The following MRTFA variants were observed in gnomAD, a reference collection of about 807,000 sequenced individuals.
MRTFA encodes the protein myocardin-related transcription factor A.
In MRTFA, 20 loss-of-function variants were observed where a neutral mutation model predicts 83.5. The observed-to-expected ratio is 0.24, with a 90% CI of 0.17 to 0.35. The LOEUF is 0.35. Among genes scored for constraint, MRTFA ranks in the 10% least tolerant of loss-of-function variants. MRTFA has a pLI of 1.00. For missense variants in MRTFA, 1,200 were observed against 1,224.7 expected (o/e 0.98, Z 0.30); for synonymous variants, 659 against 541.2 (o/e 1.22, Z -3.02).
chr22:40,559,131 G>A (rs887512455), intron 2 of MRTFA, among the ~76,000 whole-genome samples: 2 of 152,192 alleles, frequency 1.3e-5, no homozygotes, highest in African/African-American at 2.4e-5. Flanking sequence ...GCTCACACCT[G>A]TAATCCCCAG....
chr22:40,512,406 C>T (rs1358571270), intron 3 of MRTFA, among the ~76,000 whole-genome samples: 2 of 152,152 alleles, frequency 1.3e-5, no homozygotes, highest in Non-Finnish European at 2.9e-5. Flanking sequence ...CATTAAATTC[C>T]TTATAGACAA....
chr22:40,423,772 C>T (rs1022828578), intron 8 of MRTFA, 87 bp from the exon 9 acceptor site: 18 of 1,254,052 alleles, frequency 1.4e-5, no homozygotes, highest in African/African-American at 7.7e-5. Flanking sequence ...GGTCCTCAGA[C>T]GCCACCATTG....
intron 9 of MRTFA, among the ~76,000 whole-genome samples, chr22:40,422,458 C>A (rs2052861180): frequency 6.6e-6 from 1 of 152,194 alleles, no homozygotes; most frequent in African/African-American, 2.4e-5. Flanking sequence ...GGGACACCTG[C>A]TGACAGTGAG....
At chr22:40,502,116 C>T (rs1160445652) in intron 3 of MRTFA, among the ~76,000 whole-genome samples, 9 of 138,304 alleles carry the variant, frequency 6.5e-5, no homozygotes, top group Admixed American at 1.4e-4. Flanking sequence ...CGGGCAGAGG[C>T]GCCCCTCACC....
rs1555998670 is a variant in MRTFA at position 40,535,355 on chromosome 22, T to TTC, written c.241+16750_241+16751insGA. ...CTGTGTGAGAGGTTTTTTCTTTTTTTTTTTTTTTTTCTTTTTGAGACTAGG... is the reference window on the plus strand; with the variant it reads ...CTGTGTGAGAGGTTTTTTCTTTTTTTTCTTTTTTTTTTCTTTTTGAGACTAGG... On this transcript the variant is annotated intron_variant, in intron 3 of 14. Coordinates refer to ENST00000355630, the MANE Select transcript of MRTFA (RefSeq NM_020831.6). 4.3e-5 allele frequency among the ~76,000 whole-genome samples: 6 copies of TTC among 138,312 alleles called. 1 individual carries two copies. Among genetic ancestry groups the TTC allele is most frequent in the African/African-American group, 1.1e-4 (4 of 35,948 alleles). 90.7% of individuals were successfully genotyped at this position (138,312 alleles called of 152,430 possible).
intron 4 of MRTFA, among the ~76,000 whole-genome samples, chr22:40,459,782 TACACACACACAC>T (rs745698441): frequency 7.0e-4 from 62 of 88,932 alleles, no homozygotes; most frequent in African/African-American, 8.4e-4. Context: ...TGATAAAATA[TACACACACACAC>T]ACACACACAC....
intron 1 of MRTFA, among the ~76,000 whole-genome samples, chr22:40,614,206 A>AAAAT (rs906050487): frequency 1.0e-3 from 151 of 151,460 alleles, no homozygotes; most frequent in South Asian, 7.9e-3. Flanking sequence ...CTGTCTCAAA[A>AAAAT]AAATAAATAA....
intron 5 of MRTFA, among the ~76,000 whole-genome samples, chr22:40,434,004 G>A (rs2053119717): frequency 6.6e-6 from 1 of 152,222 alleles, no homozygotes; most frequent in Non-Finnish European, 1.5e-5. Flanking sequence ...GGCTGGACAA[G>A]TGAGTTAACT....
chr22:40,527,018 C>T (rs897803612), intron 3 of MRTFA, among the ~76,000 whole-genome samples: 16 of 151,722 alleles, frequency 1.1e-4, no homozygotes, highest in African/African-American at 3.2e-4. Flanking sequence ...TCCAGCTACT[C>T]GGGAGGCTGA....
chr22:40,417,670 A>C, intron 12 of MRTFA, 177 bp from the exon 13 acceptor site: 124 of 554,464 alleles, frequency 2.2e-4, no homozygotes, highest in East Asian at 5.8e-4. Context: ...GGAATACAGG[A>C]TGGGGGGCCC....
chr22:40,420,463 T>C lies in MRTFA; in HGVS notation c.1295A>G (p.Asn432Ser). The C allele has an allele frequency of 6.2e-7, 1 of 1,613,782 alleles. No individual in the cohort carries two copies. Among genetic ancestry groups the C allele is most frequent in the Admixed American group, 1.7e-5 (1 of 60,034 alleles). ...CGGCTTGCCAGTCAGTGAGGTGCTG[T>C]TCTGACGTGCCAGCCCACAGGGCCC... Residue 432 changes from asparagine (N) to serine (S), a missense_variant, in exon 11 of 15, where the codon AAC (asparagine) becomes AGC (serine). Physicochemically the swap from Asn to Ser is conservative, Grantham distance 46 (BLOSUM62 1). This residue lies in a region of MRTFA where 1,107 missense variants were observed against 1,041.8 expected (regional missense o/e 1.06). Coordinates refer to ENST00000355630, the MANE Select transcript of MRTFA (RefSeq NM_020831.6).
intron 10 of MRTFA, 123 bp from the exon 11 acceptor site, chr22:40,420,699 T>A (rs1569253989): frequency 5.1e-5 from 78 of 1,533,518 alleles, no homozygotes; most frequent in Non-Finnish European, 6.7e-5. Flanking sequence ...CAGCAAAGGC[T>A]AGGGTGGCCC....
At chr22:40,531,493 T>C (rs913971101) in intron 3 of MRTFA, among the ~76,000 whole-genome samples, 1 of 152,136 alleles carries the variant, frequency 6.6e-6, no homozygotes, top group African/African-American at 2.4e-5. Flanking sequence ...CCTGGAACTT[T>C]GCTATCATAT....
At chr22:40,426,273 A>T (rs1282378872) in intron 7 of MRTFA, among the ~76,000 whole-genome samples, 1 of 151,916 alleles carries the variant, frequency 6.6e-6, no homozygotes, top group African/African-American at 2.4e-5. Context: ...CACCTCAGCC[A>T]GGGTTCCATT....
At chr22:40,566,957 G>T (rs1438829809) in intron 2 of MRTFA, among the ~76,000 whole-genome samples, 1 of 152,114 alleles carries the variant, frequency 6.6e-6, no homozygotes, top group Non-Finnish European at 1.5e-5. Flanking sequence ...ATTCTGCCTG[G>T]CCCCTAATGA....
intron 3 of MRTFA, among the ~76,000 whole-genome samples, chr22:40,515,465 A>G (rs1026776931): frequency 3.3e-5 from 5 of 151,794 alleles, no homozygotes; most frequent in African/African-American, 7.3e-5. Context: ...AGGCCGAGTC[A>G]GGTGGATCAC....
intron 3 of MRTFA, among the ~76,000 whole-genome samples, chr22:40,480,209 A>G (rs547765695): frequency 5.3e-5 from 8 of 152,156 alleles, no homozygotes; most frequent in Admixed American, 3.3e-4. Flanking sequence ...CTCTGTCTGA[A>G]TGTATAGCCT....
chr22:40,470,302 A>G (rs1423635778), intron 3 of MRTFA, among the ~76,000 whole-genome samples: 2 of 134,028 alleles, frequency 1.5e-5, no homozygotes, highest in Non-Finnish European at 3.1e-5. Context: ...ATAAAGAGCA[A>G]AAGAAAATTT....
At chr22:40,551,185 T>C (rs2055440012) in intron 3 of MRTFA, among the ~76,000 whole-genome samples, 2 of 152,056 alleles carry the variant, frequency 1.3e-5, no homozygotes, top group Non-Finnish European at 2.9e-5. Flanking sequence ...AATTATAGAT[T>C]TTTTTAATTA....
Sources: gnomAD v4.1 joint callset for allele counts (sites outside exome capture counted in the v4.1 genomes callset) on GRCh38, gnomAD v4.1.1 for gene constraint, gnomAD v4.1.1 regional missense constraint, MANE v1.5 for transcripts, NCBI Gene and HGNC (gene_info 2026-07-23, HGNC 2026-07-21) for gene names.